The following INSR variants were observed in gnomAD, a reference collection of about 807,000 sequenced individuals.
INSR encodes the protein insulin receptor, also known as IR.
In INSR, 67 loss-of-function variants were observed where a neutral mutation model predicts 142.6. The observed-to-expected ratio is 0.47, with a 90% CI of 0.39 to 0.58. INSR has a LOEUF of 0.58. Among genes scored for constraint, INSR ranks in the 20% least tolerant of loss-of-function variants. INSR has a pLI of 0.00. For synonymous variants in INSR, 756 were observed against 743.1 expected (o/e 1.02, Z -0.28); for missense variants, 1,248 against 1,833.2 (o/e 0.68, Z 5.83).
At chr19:7,164,948 G>A (rs992340470) in intron 8 of INSR, among the ~76,000 whole-genome samples, 1 of 151,826 alleles carries the variant, frequency 6.6e-6, no homozygotes, top group African/African-American at 2.4e-5. Context: ...GGCCAACATG[G>A]TGAAATCCCA....
intron 3 of INSR, among the ~76,000 whole-genome samples, chr19:7,175,088 C>T (rs1264915593): frequency 1.3e-5 from 2 of 152,108 alleles, no homozygotes; most frequent in Non-Finnish European, 2.9e-5. Flanking sequence ...AAGTGATCCA[C>T]CCGCCTCGGC....
At chr19:7,171,212 G>A (rs909292743) in intron 5 of INSR, among the ~76,000 whole-genome samples, 1 of 138,520 alleles carries the variant, frequency 7.2e-6, no homozygotes, top group Non-Finnish European at 1.5e-5. Flanking sequence ...AGGAGCCATT[G>A]AAGGTTTTTG....
At chr19:7,229,336 G>GGATGGATA (rs1975895798) in intron 2 of INSR, among the ~76,000 whole-genome samples, 2 of 92,572 alleles carry the variant, frequency 2.2e-5, no homozygotes, top group Non-Finnish European at 3.0e-5. Flanking sequence ...ATGGATAGAT[G>GGATGGATA]GATGGATGGA....
chr19:7,243,265 A>G (rs1331583718), intron 2 of INSR, among the ~76,000 whole-genome samples: 2 of 27,788 alleles, frequency 7.2e-5, no homozygotes, highest in African/African-American at 1.2e-4. Flanking sequence ...TTTTTTTTTG[A>G]GATGCAGTCT....
In INSR at chr19:7,146,236, C is replaced by CCTTTTTTTTTTTTTTTTTTTT. The variant is rs1424523294; in HGVS notation, c.2268-3147_2268-3146insAAAAAAAAAAAAAAAAAAAAG. On this transcript the variant is annotated intron_variant, in intron 11 of 21. Transcript: ENST00000302850. ...TTCAGTGCAGTATCTTTGTCAAGTTCTTTTTTTTTTTTTTTTTTTTTTGAG... is the reference window on the plus strand; with the variant it reads ...TTCAGTGCAGTATCTTTGTCAAGTTCCTTTTTTTTTTTTTTTTTTTTTTTTTTTTTTTTTTTTTTTTTTGAG... Among the ~76,000 whole-genome samples the CCTTTTTTTTTTTTTTTTTTTT allele has an allele frequency of 1.6e-4, 18 of 110,756 alleles. 9 individuals are homozygous for CCTTTTTTTTTTTTTTTTTTTT. Among genetic ancestry groups the CCTTTTTTTTTTTTTTTTTTTT allele is most frequent in the Non-Finnish European group, 1.5e-4 (8 of 53,232 alleles). The allele number at this position is 110,756 out of a possible 152,430, so 72.7% of individuals were successfully genotyped here.
At chr19:7,220,129 G>A (rs536188507) in intron 2 of INSR, among the ~76,000 whole-genome samples, 1 of 152,234 alleles carries the variant, frequency 6.6e-6, no homozygotes, top group Admixed American at 6.5e-5. Flanking sequence ...ACACAATGAG[G>A]TCTGAGTGGC....
intron 2 of INSR, among the ~76,000 whole-genome samples, chr19:7,223,492 G>A (rs531651934): frequency 6.6e-5 from 10 of 152,296 alleles, no homozygotes; most frequent in African/African-American, 1.9e-4. Flanking sequence ...GTAGCAGGTG[G>A]GCTTTTGCAG....
chr19:7,234,365 C>T (rs568228641), intron 2 of INSR, among the ~76,000 whole-genome samples: 62 of 152,206 alleles, frequency 4.1e-4, no homozygotes, highest in Non-Finnish European at 7.9e-4. Context: ...TGCCACTACA[C>T]CCAATTAATT....
intron 2 of INSR, among the ~76,000 whole-genome samples, chr19:7,232,501 A>C (rs866084801): frequency 6.6e-6 from 1 of 152,212 alleles, no homozygotes. Flanking sequence ...GGCCATGTGC[A>C]TTTTATTGTA....
intron 13 of INSR, among the ~76,000 whole-genome samples, chr19:7,137,337 G>A (rs1445242327): frequency 6.6e-6 from 1 of 151,826 alleles, no homozygotes; most frequent in Admixed American, 6.6e-5. Flanking sequence ...ACATGATTGG[G>A]CACTGGATGT....
At chr19:7,179,667 G>A (rs1490156895) in intron 3 of INSR, among the ~76,000 whole-genome samples, 3 of 152,298 alleles carry the variant, frequency 2.0e-5, no homozygotes, top group Middle Eastern at 3.4e-3. Context: ...CTGCTTTCAC[G>A]CTGCAAAGGC....
At position 7,270,353 on chromosome 19, in the gene INSR, A is replaced by T. The variant is rs1298481372; in HGVS notation, c.101-2457T>A. On this transcript the variant is annotated intron_variant, in intron 1 of 21. Transcript: ENST00000302850. ...CTCTCTCTCTCTCACACACACACAC[A>T]CACACACACACACACACACACACAC... Among the ~76,000 whole-genome samples, 1,122 of 145,192 alleles carry T rather than the reference A, an allele frequency of 7.7e-3. 17 individuals carry two copies. Among genetic ancestry groups the T allele is most frequent in the African/African-American group, 0.027 (1,068 of 39,156 alleles).
At chr19:7,205,318 A>T (rs991435501) in intron 2 of INSR, among the ~76,000 whole-genome samples, 6 of 152,352 alleles carry the variant, frequency 3.9e-5, no homozygotes, top group South Asian at 4.1e-4. Flanking sequence ...AATCAAGTTC[A>T]CAGGGGGCTG....
intron 3 of INSR, among the ~76,000 whole-genome samples, chr19:7,183,546 T>C (rs1265842608): frequency 6.6e-6 from 1 of 152,054 alleles, no homozygotes; most frequent in Non-Finnish European, 1.5e-5. Context: ...GAAGCGAGTC[T>C]CTTCCTCCTG....
chr19:7,201,699 G>T, intron 2 of INSR, among the ~76,000 whole-genome samples: 2 of 123,846 alleles, frequency 1.6e-5, no homozygotes, highest in Admixed American at 8.5e-5. Flanking sequence ...GTCTCACTCT[G>T]TCGCCCAGGC....
In INSR at chr19:7,114,047, C is replaced by CAAAAAAAAAAAAAA. The variant is rs72149315; in HGVS notation, c.*2995_*3008dup. The stretch of plus-strand genomic sequence containing the variant: ...AACACAGAGGTCCAAGGTGTTGTTG[C>CAAAAAAAAAAAAAA]AAAAAAAAAAAAAAAAAAAAAAAAA... On this transcript the variant is annotated 3_prime_UTR_variant, in exon 22 of 22. Transcript: ENST00000302850. 3 of 65,510 alleles carry CAAAAAAAAAAAAAA rather than the reference C, an allele frequency of 4.6e-5. No individual in the cohort carries two copies. The highest frequency in any genetic ancestry group is 6.2e-5 in the African/African-American group (1 of 16,088). The allele number at this position is 65,510 out of a possible 1,614,324, so 4.1% of individuals were successfully genotyped here. A position where few individuals can be genotyped will look rare whatever the true frequency, so the allele number is the denominator to read the frequency against.
At chr19:7,270,681 C>G (rs189407200) in intron 1 of INSR, among the ~76,000 whole-genome samples, 67 of 152,114 alleles carry the variant, frequency 4.4e-4, no homozygotes, top group Admixed American at 2.8e-3. Context: ...TCACTTGGGT[C>G]CAGGAATAGG....
chr19:7,195,284 T>C (rs1251866664), intron 2 of INSR, among the ~76,000 whole-genome samples: 1 of 151,670 alleles, frequency 6.6e-6, no homozygotes, highest in Non-Finnish European at 1.5e-5. Context: ...TGTAGCTTTC[T>C]TTCCATATAT....
intron 3 of INSR, among the ~76,000 whole-genome samples, chr19:7,179,730 T>C (rs1167504305): frequency 6.6e-6 from 1 of 152,224 alleles, no homozygotes; most frequent in Non-Finnish European, 1.5e-5. Context: ...TGAAAATATT[T>C]ACTATCTGGC....
Sources: allele counts gnomAD v4.1 joint callset (sites outside exome capture counted in the v4.1 genomes callset), GRCh38; gene constraint gnomAD v4.1.1; transcripts MANE v1.5; gene names NCBI Gene and HGNC (gene_info 2026-07-23, HGNC 2026-07-21).